Variants in IRX4 observed in about 807,000 individuals in gnomAD.
IRX4 encodes the protein iroquois homeobox 4.
Under a neutral mutation model 32.0 loss-of-function variants are expected in IRX4, and 22 were observed. The observed-to-expected ratio is 0.69, with a 90% CI of 0.49 to 0.98. The LOEUF is 0.98. Ranked by LOEUF, IRX4 falls within the 50% of genes least tolerant of loss-of-function variation. The pLI, the probability that IRX4 is intolerant of heterozygous loss-of-function variation, is 0.00. For missense variants in IRX4, 840 were observed against 744.2 expected (o/e 1.13, Z -1.50); for synonymous variants, 379 against 351.7 (o/e 1.08, Z -0.87).
Position 1,878,615 on chromosome 5 carries a change from C to G in IRX4, c.914G>C (p.Arg305Pro), listed in dbSNP as rs755426156. The change falls in exon 5 of 5, where the codon CGG becomes CCG. Residue 305 changes from arginine (R) to proline (P), a missense_variant. Physicochemically the swap from Arg to Pro is moderately radical, Grantham distance 103. This residue lies in a region of IRX4 where 585 missense variants were observed against 488.0 expected (regional missense o/e 1.20). Transcript: ENST00000231357. ...TCCGCCACCCGCGGCCAGAGACATC[C>G]GGAGCGCGCCTGAGGCCTCCTTGAC... ...GPVKEASGAL[R>P]MSLAAGGGAA... 2.9e-5 allele frequency: 45 copies of G among 1,566,928 alleles called. No individual in the cohort carries two copies. The highest frequency in any genetic ancestry group is 3.6e-5 in the Non-Finnish European group (42 of 1,157,054).
chr5:1,878,591 C>G lies in IRX4; in HGVS notation c.938G>C (p.Gly313Ala), dbSNP rs759509328. The G allele has an allele frequency of 6.4e-7, 1 of 1,553,472 alleles. No homozygotes were observed. Among genetic ancestry groups the G allele is most frequent in the Non-Finnish European group, 8.7e-7 (1 of 1,149,702 alleles). Residue 313 changes from glycine to alanine, a missense_variant, in exon 5 of 5, where the codon GGA (glycine) becomes GCA (alanine). Gly to Ala is a moderately conservative substitution (Grantham distance 60). Transcript: ENST00000231357. ...ALRMSLAAGG[G>A]AALDEDLERA... The stretch of plus-strand genomic sequence containing the variant: ...CTCCAGGTCCTCGTCCAGAGCAGCT[C>G]CGCCACCCGCGGCCAGAGACATCCG...
rs1007186472 is a variant in IRX4 at position 1,878,537 on chromosome 5, G to A, written c.992C>T (p.Ala331Val). The A allele has an allele frequency of 8.3e-6, 12 of 1,451,122 alleles. No individual in the cohort carries two copies. In the African/African-American group the frequency reaches 8.9e-5, roughly 11 times the overall value. 89.9% of individuals were successfully genotyped at this position (1,451,122 alleles called of 1,614,324 possible). ...ERARSCLRSA[A>V]AGPEPLPGAE... is the part of the protein sequence containing the mutation. ...GCCCGGCAGTGGCTCCGGCCCGGCC[G>A]CCGCGCTGCGGAGACAGCTCCGGGC... Residue 331 changes from alanine to valine, a missense_variant, in exon 5 of 5, where the codon GCG becomes GTG. Ala to Val is a moderately conservative substitution (Grantham distance 64, BLOSUM62 0). This residue lies in a region of IRX4 where 585 missense variants were observed against 488.0 expected (regional missense o/e 1.20). Transcript: ENST00000231357.
chr5:1,882,533 A>AC, intron 1 of IRX4, 70 bp downstream of exon 1: 1 of 1,328,724 alleles, frequency 7.5e-7, no homozygotes, highest in East Asian at 2.8e-5. Context: ...GACACTCCCC[A>AC]CCCCCCGTCC....
chr5:1,881,787 G>T (rs746508497), intron 2 of IRX4, 21 bp downstream of exon 2: 6 of 1,566,644 alleles, frequency 3.8e-6, no homozygotes, highest in Non-Finnish European at 5.2e-6. Context: ...GCAGGGCAAG[G>T]GCTAGGGATG....
chr5:1,878,783 C>T lies in IRX4; in HGVS notation c.746G>A (p.Gly249Asp). 1 of 1,613,226 alleles carries T rather than the reference C, an allele frequency of 6.2e-7. No homozygotes were observed. The highest frequency in any genetic ancestry group is 2.2e-5 in the East Asian group (1 of 44,872). The change falls in exon 5 of 5, where the codon GGC becomes GAC. Residue 249 changes from glycine to aspartate, a missense_variant. Around this residue, in one of 3 missense-constraint regions of IRX4, gnomAD observed 585 missense variants for 488.0 expected, o/e 1.20. Transcript: ENST00000231357. The stretch of plus-strand genomic sequence containing the variant: ...AAGCTCCAGCTCCTTCTCCTCTTTG[C>T]CCACGGGCTCTGCGGGAGAGAATGC... ...LKSSKNAEPV[G>D]KEEKELELSD...
chr5:1,881,077 G>GGGGGGGGGGGGGGGGGGGGCCCCC, intron 2 of IRX4: 1 of 337,068 alleles, frequency 3.0e-6, no homozygotes, highest in East Asian at 8.4e-5. Flanking sequence ...GGGCGGGGGG[G>GGGGGGGGGGGGGGGGGGGGCCCCC]AGGAGGTGCA....
intron 1 of IRX4, 76 bp from the exon 2 acceptor site, chr5:1,882,135 GC>G: frequency 6.8e-7 from 1 of 1,480,072 alleles, no homozygotes. Context: ...AATCCCGCGC[GC>G]CGCCCACGAG....
Position 1,877,794 on chromosome 5 carries a change from G to C in IRX4, c.*175C>G. On this transcript the variant is annotated 3_prime_UTR_variant, in exon 5 of 5. Transcript: ENST00000231357. ...TCAGGCCCAGGCGGTGGAGGCCCCG[G>C]CGTGGCAGCGCCGGGCTTGTCCATG... 1 of 627,506 alleles carries C rather than the reference G, an allele frequency of 1.6e-6. No individual in the cohort carries two copies. The highest frequency in any genetic ancestry group is 3.2e-5 in the East Asian group (1 of 30,906). 38.9% of individuals were successfully genotyped at this position (627,506 alleles called of 1,614,324 possible). A position where few individuals can be genotyped will look rare whatever the true frequency, so the allele number is the denominator to read the frequency against.
At position 1,880,731 on chromosome 5, in the gene IRX4, T is replaced by C. The variant is rs770992572; in HGVS notation, c.401A>G (p.Tyr134Cys). ...AGGAGGGGTGGGTCCTCACCTGTCATAGGGGTACTGGCCCAGAGCTGGCTC... is the reference window on the plus strand; with the variant it reads ...AGGAGGGGTGGGTCCTCACCTGTCACAGGGGTACTGGCCCAGAGCTGGCTC... ...PYEPALGQYP[Y>C]DRYGTMDSGT... The change falls in exon 3 of 5, where the codon TAT (tyrosine) becomes TGT (cysteine). Residue 134 changes from tyrosine to cysteine, a missense_variant. By Grantham distance (194) the Tyr-to-Cys change is radical (BLOSUM62 -2). This residue lies in a region of IRX4 where 241 missense variants were observed against 220.8 expected (regional missense o/e 1.09). Coordinates refer to ENST00000231357, the MANE Select transcript of IRX4 (RefSeq NM_016358.3). 3 of 1,611,878 alleles carry C rather than the reference T, an allele frequency of 1.9e-6. No individual in the cohort carries two copies. The highest frequency in any genetic ancestry group is 2.2e-5 in the South Asian group (2 of 91,046).
chr5:1,877,969 T>G lies in IRX4; in HGVS notation c.1560A>C (p.Ter520CysextTer44), dbSNP rs1476491175. Residue 520 changes from the stop codon to cysteine, a stop_lost, in exon 5 of 5, where the codon TGA becomes TGC. Transcript: ENST00000231357. The stretch of plus-strand genomic sequence containing the variant: ...CTCCTGGGCTCGGGACCCGCCCGCC[T>G]CAGGCGCAGAAGGGTTTGCCGCCGG... ...PKAGGKPFCA* is the reference protein window; with the variant it reads ...PKAGGKPFCAC 1 of 1,495,506 alleles carries G rather than the reference T, an allele frequency of 6.7e-7. No individual in the cohort carries two copies. The highest frequency in any genetic ancestry group is 1.4e-5 in the African/African-American group (1 of 69,160). The allele number at this position is 1,495,506 out of a possible 1,614,324, so 92.6% of individuals were successfully genotyped here.
In IRX4 at chr5:1,879,547, C is replaced by T. The variant is rs573058025; in HGVS notation, c.693G>A (p.Glu231=). 6.2e-7 allele frequency: 1 copy of T among 1,613,238 alleles called. No homozygotes were observed. The highest frequency in any genetic ancestry group is 1.3e-5 in the African/African-American group (1 of 74,788). Residue 231 remains glutamate, a synonymous_variant, in exon 4 of 5, where the codon GAG becomes GAA. Transcript: ENST00000231357. ...TGAGGGGCTCCTCCCGCGCCTCCTC[C>T]TCGCCCCCCTCCTCCTCCTCGCCCT... The part of the protein sequence containing the change: ...YAEGEEEEGG[E]EEAREEPLKS...
chr5:1,881,919 G>A lies in IRX4; in HGVS notation c.186C>T (p.His62=), dbSNP rs769484963. The A allele has an allele frequency of 6.3e-7, 1 of 1,579,756 alleles. No individual in the cohort carries two copies. Among genetic ancestry groups the A allele is most frequent in the Non-Finnish European group, 8.6e-7 (1 of 1,163,958 alleles). The part of the protein sequence containing the change: ...YESRLLATAR[H]ELNSAAALGV... Reference sequence around the variant, plus strand: ...CCAGCGCCGCGGCCGAGTTGAGCTCGTGGCGCGCGGTGGCCAGCAGCCGGC... The same window carrying A: ...CCAGCGCCGCGGCCGAGTTGAGCTCATGGCGCGCGGTGGCCAGCAGCCGGC... The change falls in exon 2 of 5, where the codon CAC becomes CAT. Residue 62 remains histidine, a synonymous_variant. Transcript: ENST00000231357.
rs765602608 is a variant in IRX4, at chr5:1,879,746, C to G, written c.494G>C (p.Arg165Pro). 41 of 1,614,098 alleles carry G rather than the reference C, an allele frequency of 2.5e-5. No individual in the cohort carries two copies. The highest frequency in any genetic ancestry group is 3.3e-5 in the Admixed American group (2 of 60,012). The change falls in exon 4 of 5, where the codon CGC becomes CCC. Residue 165 changes from arginine to proline, a missense_variant. Arg to Pro is a moderately radical substitution (Grantham distance 103). Transcript: ENST00000231357. Reference sequence around the variant, plus strand: ...GCCCTTGGTGGGGTAGGGGTTCTTGCGGTGCTCCTGCAGCCAGGCCTTGAG... The same window carrying G: ...GCCCTTGGTGGGGTAGGGGTTCTTGGGGTGCTCCTGCAGCCAGGCCTTGAG... ...STLKAWLQEH[R>P]KNPYPTKGEK... is the part of the protein sequence containing the mutation.
At chr5:1,884,261 A>C (rs540197877), upstream of IRX4, 3 of 152,366 alleles carry the variant, frequency 2.0e-5, no homozygotes, top group Admixed American at 6.5e-5. Flanking sequence ...CGTTGTGCAG[A>C]CTTGCTCAGA....
chr5:1,885,235 C>T (rs1478377618), upstream of IRX4, among the ~76,000 whole-genome samples: 2 of 152,188 alleles, frequency 1.3e-5, no homozygotes, highest in Non-Finnish European at 2.9e-5. Context: ...TTAACTGGAG[C>T]CGAAGCCCCA....
At chr5:1,881,614 G>T (rs1204087821) in intron 2 of IRX4, among the ~76,000 whole-genome samples, 194 bp downstream of exon 2, 1 of 151,380 alleles carries the variant, frequency 6.6e-6, no homozygotes, top group African/African-American at 2.4e-5. Flanking sequence ...CCACCTGCCG[G>T]GTCATCTGTC....
At chr5:1,881,448 G>A (rs1387332635) in intron 2 of IRX4, among the ~76,000 whole-genome samples, 6 of 151,770 alleles carry the variant, frequency 4.0e-5, no homozygotes, top group Non-Finnish European at 5.9e-5. Flanking sequence ...ACAGGAAGAG[G>A]GAGGCCAGGA....
In IRX4 at chr5:1,881,934, C is replaced by T; in HGVS notation, c.171G>A (p.Leu57=). The change falls in exon 2 of 5, where the codon CTG becomes CTA. Residue 57 remains leucine (L), a synonymous_variant. Transcript: ENST00000231357. The stretch of plus-strand genomic sequence containing the variant: ...AGTTGAGCTCGTGGCGCGCGGTGGC[C>T]AGCAGCCGGCTCTCGTAGACCGGGC... ...VYCPVYESRL[L]ATARHELNSA... 1 of 1,575,554 alleles carries T rather than the reference C, an allele frequency of 6.3e-7. No homozygotes were observed.
In IRX4 at chr5:1,881,846, C is replaced by T. The variant is rs1381880088; in HGVS notation, c.259G>A (p.Val87Met). ...YGGSQGYGNY[V>M]TYGSEASAFY... ...GCGGACGCCTCCGAGCCGTAGGTCACGTAGTTGCCATAGCCCTGCGATCCG... is the reference window on the plus strand; with the variant it reads ...GCGGACGCCTCCGAGCCGTAGGTCATGTAGTTGCCATAGCCCTGCGATCCG... Residue 87 changes from valine to methionine, a missense_variant, in exon 2 of 5, where the codon GTG becomes ATG. Physicochemically the swap from Val to Met is conservative, Grantham distance 21. Coordinates refer to ENST00000231357, the MANE Select transcript of IRX4 (RefSeq NM_016358.3). The T allele has an allele frequency of 2.5e-6, 4 of 1,579,228 alleles. No individual in the cohort carries two copies. Among genetic ancestry groups the T allele is most frequent in the Non-Finnish European group, 3.4e-6 (4 of 1,162,872 alleles).
Sources: allele counts gnomAD v4.1 joint callset (sites outside exome capture counted in the v4.1 genomes callset), GRCh38; gene constraint gnomAD v4.1.1; regional missense constraint gnomAD v4.1.1; transcripts MANE v1.5; gene names NCBI Gene and HGNC (gene_info 2026-07-23, HGNC 2026-07-21).